Variants in SCEL observed in about 807,000 individuals in gnomAD.
The protein encoded by SCEL is sciellin.
SCEL carries 113 observed loss-of-function variants against 117.6 expected under a neutral mutation model. The observed-to-expected ratio is 0.96, with a 90% CI of 0.83 to 1.12. The LOEUF (loss-of-function observed/expected upper bound fraction) is 1.12. Among genes scored for constraint, SCEL ranks in the 50% most tolerant of loss-of-function variants. The pLI is 0.00. For missense variants in SCEL, 785 were observed against 810.8 expected (o/e 0.97, Z 0.39); for synonymous variants, 270 against 256.2 (o/e 1.05, Z -0.51).
chr13:77,623,021 C>T (rs953106470), intron 27 of SCEL, among the ~76,000 whole-genome samples: 3 of 152,172 alleles, frequency 2.0e-5, no homozygotes, highest in South Asian at 2.1e-4. Context: ...TCTACACCAC[C>T]GCCATGAAAG....
At chr13:77,553,445 A>T (rs930815866) in intron 1 of SCEL, among the ~76,000 whole-genome samples, 2 of 152,082 alleles carry the variant, frequency 1.3e-5, no homozygotes, top group East Asian at 1.9e-4. Context: ...GAGAAAAAAA[A>T]ATATATCAGA....
intron 30 of SCEL, among the ~76,000 whole-genome samples, chr13:77,640,165 C>T (rs1290689841): frequency 6.6e-6 from 1 of 152,086 alleles, no homozygotes; most frequent in Admixed American, 6.6e-5. Flanking sequence ...TTTGGTGACT[C>T]TGGCCCCTAC....
chr13:77,543,608 G>A (rs1365156550), intron 1 of SCEL, among the ~76,000 whole-genome samples: 2 of 152,126 alleles, frequency 1.3e-5, no homozygotes, highest in Non-Finnish European at 2.9e-5. Flanking sequence ...TCTCTGTTGA[G>A]CTCCACCATG....
At chr13:77,611,600 T>C (rs1354270861) in intron 22 of SCEL, among the ~76,000 whole-genome samples, 1 of 152,202 alleles carries the variant, frequency 6.6e-6, no homozygotes, top group Non-Finnish European at 1.5e-5. Context: ...TCCTTTATAA[T>C]GTTTGAGGCT....
At chr13:77,565,224 A>G (rs2085221791) in intron 5 of SCEL, among the ~76,000 whole-genome samples, 1 of 152,208 alleles carries the variant, frequency 6.6e-6, no homozygotes, top group African/African-American at 2.4e-5. Context: ...AGCCTTAGCT[A>G]TAAATTAGTA....
intron 12 of SCEL, chr13:77,597,102 G>A (rs1256095042): frequency 1.2e-5 from 2 of 164,106 alleles, no homozygotes; most frequent in Non-Finnish European, 2.6e-5. Flanking sequence ...ACCTATGTGT[G>A]GACTCAATTA....
chr13:77,633,441 T>TCAAAAAAAAAAAACAAAAACAAAAA (rs1166145413), intron 28 of SCEL, among the ~76,000 whole-genome samples: 226 of 23,474 alleles, frequency 9.6e-3, no homozygotes, highest in Non-Finnish European at 0.013. Context: ...AGACTCCGCC[T>TCAAAAAAAAAAAACAAAAACAAAAA]CAAAAAAAAA....
At chr13:77,553,441 A>G (rs1300928147) in intron 1 of SCEL, among the ~76,000 whole-genome samples, 1 of 152,096 alleles carries the variant, frequency 6.6e-6, no homozygotes, top group Non-Finnish European at 1.5e-5. Context: ...CTAAGAGAAA[A>G]AAAAATATAT....
intron 15 of SCEL, chr13:77,599,996 A>C (rs1330577448): frequency 2.2e-6 from 1 of 464,944 alleles, no homozygotes; most frequent in African/African-American, 1.9e-5. Context: ...TATGACCTAG[A>C]TGATCTCCCA....
intron 29 of SCEL, among the ~76,000 whole-genome samples, chr13:77,635,880 C>T (rs2090255230): frequency 6.6e-6 from 1 of 152,164 alleles, no homozygotes; most frequent in African/African-American, 2.4e-5. Flanking sequence ...AATTCTTTGG[C>T]CTCACTCCTG....
rs756347397 is a variant in SCEL at position 77,556,614 on chromosome 13, A to G, written c.62A>G (p.Gln21Arg). The change falls in exon 3 of 33, where the codon CAG becomes CGG. Residue 21 changes from glutamine to arginine, a missense_variant. Transcript: ENST00000349847. ...PTGNEMKSTT[Q>R]GTTRKQQDFH... ...TTGATAGAGATGAAGAGCACCACTCAGGGAACCACACGGAAGCAGCAGGAT... is the reference window on the plus strand; with the variant it reads ...TTGATAGAGATGAAGAGCACCACTCGGGGAACCACACGGAAGCAGCAGGAT... 6.2e-7 allele frequency: 1 copy of G among 1,613,908 alleles called. No individual in the cohort carries two copies. The highest frequency in any genetic ancestry group is 8.5e-7 in the Non-Finnish European group (1 of 1,179,794).
At position 77,573,380 on chromosome 13, in the gene SCEL, A is replaced by T. The variant is rs139735215; in HGVS notation, c.545+1191A>T. Among the ~76,000 whole-genome samples the T allele has an allele frequency of 2.5e-3, 377 of 152,298 alleles. 2 individuals carry two copies. Among genetic ancestry groups the T allele is most frequent in the African/African-American group, 8.3e-3 (346 of 41,566 alleles). ...TAGAATATTTTCATGTTTCAATGGG[A>T]TCAGTTTTTCTAATTCTGACTATTG... is the stretch of plus-strand genomic sequence containing the variant. On this transcript the variant is annotated intron_variant, in intron 9 of 32. Transcript: ENST00000349847.
chr13:77,642,887 A>G, intron 32 of SCEL, 79 bp downstream of exon 32: 1 of 713,296 alleles, frequency 1.4e-6, no homozygotes, highest in Non-Finnish European at 2.3e-6. Flanking sequence ...GATGTATTTT[A>G]ATAAAGTAAA....
chr13:77,547,366 T>TA (rs901905205), intron 1 of SCEL, among the ~76,000 whole-genome samples: 2 of 152,194 alleles, frequency 1.3e-5, no homozygotes, highest in African/African-American at 2.4e-5. Context: ...TTTTTTAAAA[T>TA]AAAAAAATTC....
At chr13:77,625,139 C>T (rs938373100) in intron 27 of SCEL, among the ~76,000 whole-genome samples, 2 of 152,156 alleles carry the variant, frequency 1.3e-5, no homozygotes, top group Non-Finnish European at 2.9e-5. Context: ...CCACTATTTA[C>T]CACTGCCCAC....
intron 12 of SCEL, among the ~76,000 whole-genome samples, chr13:77,595,752 G>A (rs1188447788): frequency 6.7e-6 from 1 of 150,136 alleles, no homozygotes; most frequent in African/African-American, 2.5e-5. Flanking sequence ...CACAAGGATA[G>A]AGCATTAATT....
At chr13:77,580,094 T>C (rs1447825753) in intron 9 of SCEL, among the ~76,000 whole-genome samples, 1 of 152,228 alleles carries the variant, frequency 6.6e-6, no homozygotes, top group Non-Finnish European at 1.5e-5. Context: ...GTGGTAAGCC[T>C]AAGAACCCTT....
chr13:77,607,299 C>T (rs969222785), intron 19 of SCEL, among the ~76,000 whole-genome samples: 5 of 152,210 alleles, frequency 3.3e-5, no homozygotes, highest in Admixed American at 3.3e-4. Flanking sequence ...GATCCTCCCA[C>T]CTTGGCCTTC....
intron 30 of SCEL, among the ~76,000 whole-genome samples, chr13:77,639,016 G>A (rs554579932): frequency 1.3e-5 from 2 of 151,978 alleles, no homozygotes; most frequent in African/African-American, 2.4e-5. Context: ...GTCTGTCCAC[G>A]TACCTGTATT....
Sources: allele counts gnomAD v4.1 joint callset (sites outside exome capture counted in the v4.1 genomes callset), GRCh38; gene constraint gnomAD v4.1.1; transcripts MANE v1.5; gene names NCBI Gene and HGNC (gene_info 2026-07-23, HGNC 2026-07-21).